The following SHROOM3 variants were observed in gnomAD, a reference collection of about 807,000 sequenced individuals.
SHROOM3 encodes the protein protein Shroom3.
SHROOM3 carries 47 observed loss-of-function variants against 138.6 expected under a neutral mutation model. That is an observed-to-expected ratio of 0.34 (90% CI 0.27 to 0.43). The LOEUF (loss-of-function observed/expected upper bound fraction) is 0.43. Among genes scored for constraint, SHROOM3 ranks in the 20% least tolerant of loss-of-function variants. The probability of loss-of-function intolerance (pLI) is 1.00; values close to 1 mark genes in which losing one functional copy is unlikely to be tolerated. For synonymous variants in SHROOM3, 1,062 were observed against 1,063.3 expected (o/e 1.00, Z 0.02); for missense variants, 2,491 against 2,596.5 (o/e 0.96, Z 0.88).
rs1577907079 is a variant in SHROOM3 at position 76,594,773 on chromosome 4, T to C, written c.323+39010T>C. On this transcript the variant is annotated intron_variant, in intron 2 of 10. Transcript: ENST00000296043. ...TCAGTGCAAATCTGGATTTGGTGCA[T>C]TTAACAAATGGACATTGAGACTCAC... is the stretch of plus-strand genomic sequence containing the variant. Among the ~76,000 whole-genome samples the C allele has an allele frequency of 2.0e-5, 3 of 152,344 alleles. 1 individual carries two copies. The highest frequency in any genetic ancestry group is 2.0e-4 in the Admixed American group (3 of 15,304).
chr4:76,737,368 T>C (rs934559578), intron 4 of SHROOM3, among the ~76,000 whole-genome samples: 1 of 152,202 alleles, frequency 6.6e-6, no homozygotes, highest in Non-Finnish European at 1.5e-5. Context: ...TTGGCAATTA[T>C]GAATAAAACT....
At chr4:76,451,927 G>A (rs765468420) in intron 1 of SHROOM3, among the ~76,000 whole-genome samples, 4 of 152,130 alleles carry the variant, frequency 2.6e-5, no homozygotes, top group Non-Finnish European at 5.9e-5. Flanking sequence ...CTGCAGCCTC[G>A]AACTCTTGGG....
At chr4:76,730,982 CAT>C in intron 4 of SHROOM3, 47 bp downstream of exon 4, 1 of 1,610,756 alleles carries the variant, frequency 6.2e-7, no homozygotes, top group Non-Finnish European at 8.5e-7. Context: ...TTTCTAATGT[CAT>C]GTTCCCAGAA....
intron 2 of SHROOM3, among the ~76,000 whole-genome samples, chr4:76,649,279 C>T (rs1398687390): frequency 6.6e-6 from 1 of 152,088 alleles, no homozygotes; most frequent in Non-Finnish European, 1.5e-5. Context: ...GGAACCCATA[C>T]TCAAAGGGAT....
chr4:76,738,069 C>T (rs1721129105), intron 4 of SHROOM3, among the ~76,000 whole-genome samples: 1 of 152,072 alleles, frequency 6.6e-6, no homozygotes, highest in African/African-American at 2.4e-5. Context: ...GTTGGAATCC[C>T]AGCACCGAAG....
chr4:76,551,649 A>C (rs1032516921), intron 1 of SHROOM3, among the ~76,000 whole-genome samples: 1 of 152,134 alleles, frequency 6.6e-6, no homozygotes, highest in African/African-American at 2.4e-5. Context: ...TTTCTCATGA[A>C]GTCTCTTCAA....
In SHROOM3 at chr4:76,574,512, A is replaced by G. The variant is rs7699300; in HGVS notation, c.323+18749A>G. ...AAATTCTCTCTCTCCCTCTCTACCAACGCCTTTCTTACCATTTTTCATGCC... is the reference window on the plus strand; with the variant it reads ...AAATTCTCTCTCTCCCTCTCTACCAGCGCCTTTCTTACCATTTTTCATGCC... On this transcript the variant is annotated intron_variant, in intron 2 of 10. Coordinates refer to ENST00000296043, the MANE Select transcript of SHROOM3 (RefSeq NM_020859.4). 1.4e-3 allele frequency among the ~76,000 whole-genome samples: 216 copies of G among 152,068 alleles called. 1 individual carries two copies. The highest frequency in any genetic ancestry group is 6.8e-3 in the Middle Eastern group (2 of 294).
Position 76,721,046 on chromosome 4 carries a change from T to C in SHROOM3, c.456-9758T>C, listed in dbSNP as rs115285377. On this transcript the variant is annotated intron_variant, in intron 3 of 10. Coordinates refer to ENST00000296043, the MANE Select transcript of SHROOM3 (RefSeq NM_020859.4). ...TTACCCTTTGAGCCAGCAACTCCAC[T>C]TTTAAGAATTTCTCCAGCACTTTGG... is the stretch of plus-strand genomic sequence containing the variant. Among the ~76,000 whole-genome samples the C allele has an allele frequency of 5.9e-3, 895 of 152,186 alleles. 9 individuals carry two copies. The highest frequency in any genetic ancestry group is 0.021 in the African/African-American group (857 of 41,532).
intron 1 of SHROOM3, among the ~76,000 whole-genome samples, chr4:76,462,984 A>G (rs1424809241): frequency 6.6e-6 from 1 of 152,174 alleles, no homozygotes; most frequent in Non-Finnish European, 1.5e-5. Flanking sequence ...GAAGGGGGGC[A>G]TTGCTATAAA....
At position 76,741,634 on chromosome 4, in the gene SHROOM3, C is replaced by A. The variant is rs750091625; in HGVS notation, c.3461C>A (p.Thr1154Lys). 6.5e-7 allele frequency: 1 copy of A among 1,543,086 alleles called. No homozygotes were observed. Among genetic ancestry groups the A allele is most frequent in the South Asian group, 1.2e-5 (1 of 84,304 alleles). The change falls in exon 5 of 11, where the codon ACG becomes AAG. Residue 1154 changes from threonine (T) to lysine (K), a missense_variant. By Grantham distance (78) the Thr-to-Lys change is moderately conservative. This residue lies in a region of SHROOM3 where 1,733 missense variants were observed against 1,661.6 expected (regional missense o/e 1.04). Transcript: ENST00000296043. The surrounding 1 kb of genome is among the most constrained non-coding windows in gnomAD (Gnocchi z 6.2). ...EPSLQPRREA[T>K]LLPATVAETQ... ...AGCCTGCAGCCCCGCAGGGAGGCCA[C>A]GCTCCTGCCGGCCACAGTTGCAGAA...
chr4:76,663,339 T>C (rs1340028578), intron 2 of SHROOM3, among the ~76,000 whole-genome samples: 4 of 152,082 alleles, frequency 2.6e-5, no homozygotes, highest in African/African-American at 9.7e-5. Flanking sequence ...GGACCCTGCA[T>C]ATCTCCCTAA....
chr4:76,582,923 T>C (rs529245771), intron 2 of SHROOM3, among the ~76,000 whole-genome samples: 77 of 152,310 alleles, frequency 5.1e-4, no homozygotes, highest in Middle Eastern at 6.8e-3. Context: ...GATTAGATCA[T>C]CATTACTTCT....
intron 2 of SHROOM3, among the ~76,000 whole-genome samples, chr4:76,669,597 T>G (rs567647610): frequency 7.7e-4 from 116 of 150,376 alleles, no homozygotes; most frequent in Middle Eastern, 3.4e-3. Context: ...AGAGCAAAAC[T>G]CTGTCTCAAA....
At chr4:76,465,155 G>A (rs935921297) in intron 1 of SHROOM3, among the ~76,000 whole-genome samples, 16 of 152,182 alleles carry the variant, frequency 1.1e-4, no homozygotes, top group African/African-American at 3.6e-4. Context: ...CACATTATTT[G>A]TTTATCTGGA....
rs151177107 is a variant in SHROOM3, at chr4:76,669,904, A to G, written c.324-40252A>G. On this transcript the variant is annotated intron_variant, in intron 2 of 10. Transcript: ENST00000296043. ...TCCACATCCATGTGCCTACCTGCCAACTGGGCACACCCACACCATATCTCA... is the reference window on the plus strand; with the variant it reads ...TCCACATCCATGTGCCTACCTGCCAGCTGGGCACACCCACACCATATCTCA... Among the ~76,000 whole-genome samples the G allele has an allele frequency of 6.6e-5, 10 of 152,352 alleles. No individual in the cohort carries two copies. In the East Asian group the frequency reaches 1.9e-3, roughly 29 times the overall value.
chr4:76,638,924 A>G (rs1331615120), intron 2 of SHROOM3: 2 of 152,170 alleles, frequency 1.3e-5, no homozygotes, highest in East Asian at 3.9e-4. Flanking sequence ...ACTTTTGCTA[A>G]CCCTAAAAGT....
intron 2 of SHROOM3, among the ~76,000 whole-genome samples, chr4:76,592,253 C>T (rs1293913943): frequency 6.6e-6 from 1 of 151,848 alleles, no homozygotes; most frequent in Non-Finnish European, 1.5e-5. Flanking sequence ...TGTGGCGGGG[C>T]AGAGAGACAG....
intron 2 of SHROOM3, among the ~76,000 whole-genome samples, chr4:76,696,671 G>C (rs1232089481): frequency 6.6e-6 from 1 of 152,092 alleles, no homozygotes; most frequent in Non-Finnish European, 1.5e-5. Flanking sequence ...AGGGGGAAGG[G>C]GCTGCTCTGC....
chr4:76,701,792 TC>T (rs1455661828), intron 2 of SHROOM3, among the ~76,000 whole-genome samples: 2 of 152,148 alleles, frequency 1.3e-5, no homozygotes, highest in African/African-American at 2.4e-5. Context: ...CTCAAAGTAA[TC>T]CCCTTCACCA....
Sources: gnomAD v4.1 joint callset for allele counts (sites outside exome capture counted in the v4.1 genomes callset) on GRCh38, gnomAD v4.1.1 for gene constraint, gnomAD v4.1.1 regional missense constraint, Gnocchi (gnomAD v3.1) non-coding constraint, MANE v1.5 for transcripts, NCBI Gene and HGNC (gene_info 2026-07-23, HGNC 2026-07-21) for gene names.